Variants in NIPA2 observed in about 807,000 individuals in gnomAD.
NIPA2 encodes NIPA magnesium transporter 2.
NIPA2 carries 11 observed loss-of-function variants against 29.7 expected under a neutral mutation model. The observed-to-expected ratio is 0.37, with a 90% CI of 0.23 to 0.61. The LOEUF (loss-of-function observed/expected upper bound fraction) is 0.61. Among genes scored for constraint, NIPA2 ranks in the 20% least tolerant of loss-of-function variants. The pLI is 0.66. For synonymous variants in NIPA2, 183 were observed against 161.9 expected (o/e 1.13, Z -0.99); for missense variants, 426 against 437.9 (o/e 0.97, Z 0.24).
At chr15:22,861,670 C>T (rs564549092) in intron 7 of NIPA2, among the ~76,000 whole-genome samples, 1 of 152,204 alleles carries the variant, frequency 6.6e-6, no homozygotes, top group South Asian at 2.1e-4. Context: ...TCTCTTTCCC[C>T]ACAGTGTCTG....
chr15:22,839,944 C>T (rs1029610011), intron 2 of NIPA2, among the ~76,000 whole-genome samples, 154 bp downstream of exon 2: 5 of 152,118 alleles, frequency 3.3e-5, no homozygotes, highest in East Asian at 1.9e-4. Flanking sequence ...TTTAATTTTT[C>T]TGAGCCAAGG....
chr15:22,863,359 C>T lies in NIPA2; in HGVS notation c.448+2570C>T, dbSNP rs764350235. Among the ~76,000 whole-genome samples the T allele has an allele frequency of 9.9e-5, 15 of 152,218 alleles. No homozygotes were observed. In the South Asian group the frequency reaches 1.7e-3, roughly 17 times the overall value. On this transcript the variant is annotated intron_variant, in intron 7 of 7. Transcript: ENST00000337451. ...TCGGCCTCCCAAAGGGCTGGGATTA[C>T]AGGCATGAGCCACCACACCTGGCTC...
In NIPA2 at chr15:22,866,432, T is replaced by C. The variant is rs1248722417; in HGVS notation, c.668T>C (p.Leu223Pro). The C allele has an allele frequency of 1.2e-6, 2 of 1,614,092 alleles. No individual in the cohort carries two copies. The highest frequency in any genetic ancestry group is 1.7e-6 in the Non-Finnish European group (2 of 1,180,030). Reference protein sequence around the residue: ...LRHPLAWILLLSLIVCVSTQI... With the variant: ...LRHPLAWILLPSLIVCVSTQI... Reference sequence around the variant, plus strand: ...CATCCCCTGGCTTGGATTCTGCTGCTGAGCCTCATCGTCTGTGTGAGCACA... The same window carrying C: ...CATCCCCTGGCTTGGATTCTGCTGCCGAGCCTCATCGTCTGTGTGAGCACA... Residue 223 changes from leucine (L) to proline (P), a missense_variant, in exon 8 of 8, where the codon CTG becomes CCG. Physicochemically the swap from Leu to Pro is moderately conservative, Grantham distance 98 (BLOSUM62 -3). Transcript: ENST00000337451.
At chr15:22,849,280 TCTTTC>T (rs1240488745) in intron 3 of NIPA2, among the ~76,000 whole-genome samples, 1 of 95,158 alleles carries the variant, frequency 1.1e-5, no homozygotes, top group Non-Finnish European at 2.2e-5. Context: ...TTGTTCAGCT[TCTTTC>T]TTTTTATGTA....
chr15:22,861,265 CAA>C (rs772613763), intron 7 of NIPA2, among the ~76,000 whole-genome samples: 26 of 152,322 alleles, frequency 1.7e-4, no homozygotes, highest in Non-Finnish European at 3.5e-4. Context: ...TAATTTCAAA[CAA>C]AGAGGTATTC....
At position 22,838,706 on chromosome 15, in the gene NIPA2, T is replaced by A. The variant is rs1896200720; in HGVS notation, c.-567T>A. The A allele has an allele frequency of 6.6e-6, 1 of 152,486 alleles. No homozygotes were observed. Among genetic ancestry groups the A allele is most frequent in the Admixed American group, 6.5e-5 (1 of 15,290 alleles). 9.4% of individuals were successfully genotyped at this position (152,486 alleles called of 1,614,324 possible). A position where few individuals can be genotyped will look rare whatever the true frequency, so the allele number is the denominator to read the frequency against. ...GTCCCGGCAGCGGTGGTGACGGCGG[T>A]GCCGGAGGTTGTCCTTGGCAGGTTT... On this transcript the variant is annotated 5_prime_UTR_variant, in exon 1 of 8. Transcript: ENST00000337451.
At chr15:22,860,821 T>C in intron 7 of NIPA2, 32 bp downstream of exon 7, 1 of 1,513,326 alleles carries the variant, frequency 6.6e-7, no homozygotes, top group Non-Finnish European at 8.9e-7. Context: ...TCTTACTGTA[T>C]TTTACTTTTT....
chr15:22,856,117 C>A (rs2141334342), intron 5 of NIPA2, among the ~76,000 whole-genome samples: 1 of 152,258 alleles, frequency 6.6e-6, no homozygotes, highest in South Asian at 2.1e-4. Flanking sequence ...GAGAGCTCCC[C>A]AGGCTCTCAC....
intron 7 of NIPA2, among the ~76,000 whole-genome samples, chr15:22,865,598 A>G (rs1346923681): frequency 6.6e-6 from 1 of 152,128 alleles, no homozygotes; most frequent in Non-Finnish European, 1.5e-5. Flanking sequence ...TGCAGGTGGT[A>G]GTATCCGTGA....
chr15:22,846,226 T>C (rs1898595952), intron 3 of NIPA2, among the ~76,000 whole-genome samples: 1 of 152,118 alleles, frequency 6.6e-6, no homozygotes, highest in Non-Finnish European at 1.5e-5. Flanking sequence ...CTTTCAGAAT[T>C]CCTTGGGCTG....
chr15:22,838,920 G>A lies in NIPA2; in HGVS notation c.-353G>A, dbSNP rs1595663868. ...AGCCGCGCGGCCGGCCGGCCGACTA[G>A]GGTGAGGTCGCCACTCCTTCCTTTC... On this transcript the variant is annotated splice_region_variant and 5_prime_UTR_variant, in exon 1 of 8. Transcript: ENST00000337451. 1 of 152,396 alleles carries A rather than the reference G, an allele frequency of 6.6e-6. No individual in the cohort carries two copies. Among genetic ancestry groups the A allele is most frequent in the East Asian group, 1.9e-4 (1 of 5,166 alleles). 9.4% of individuals were successfully genotyped at this position (152,396 alleles called of 1,614,324 possible). A position where few individuals can be genotyped will look rare whatever the true frequency, so the allele number is the denominator to read the frequency against.
chr15:22,846,758 G>A (rs558180386), intron 3 of NIPA2, among the ~76,000 whole-genome samples: 12 of 151,266 alleles, frequency 7.9e-5, no homozygotes, highest in African/African-American at 2.9e-4. Context: ...CGAGGTTGCA[G>A]TGAACCATGA....
chr15:22,855,800 GA>G (rs1344844567), intron 5 of NIPA2, among the ~76,000 whole-genome samples: 1 of 152,138 alleles, frequency 6.6e-6, no homozygotes, highest in Non-Finnish European at 1.5e-5. Context: ...ATATTTGGGG[GA>G]GAAACCCTTG....
At chr15:22,850,575 T>C (rs1017251246) in intron 3 of NIPA2, among the ~76,000 whole-genome samples, 3 of 152,364 alleles carry the variant, frequency 2.0e-5, no homozygotes. Context: ...AGTAATGTTA[T>C]CACTCCTTAT....
chr15:22,842,477 C>T (rs1429210709), intron 2 of NIPA2, among the ~76,000 whole-genome samples: 1 of 151,074 alleles, frequency 6.6e-6, no homozygotes, highest in African/African-American at 2.4e-5. Context: ...ATCACAAGGT[C>T]AGGAGATCGA....
intron 7 of NIPA2, among the ~76,000 whole-genome samples, chr15:22,861,069 C>G (rs1426816642): frequency 1.3e-5 from 2 of 152,106 alleles, no homozygotes; most frequent in East Asian, 3.9e-4. Flanking sequence ...ATATAGTTTT[C>G]TTGAGATTGT....
chr15:22,860,601 T>A, intron 6 of NIPA2, 28 bp from the exon 7 acceptor site: 1 of 1,465,620 alleles, frequency 6.8e-7, no homozygotes, highest in Non-Finnish European at 9.2e-7. Flanking sequence ...TGATTAAAGT[T>A]CTCAATTTTT....
intron 6 of NIPA2, among the ~76,000 whole-genome samples, chr15:22,859,220 T>A (rs2141423296): frequency 6.6e-6 from 1 of 151,732 alleles, no homozygotes; most frequent in African/African-American, 2.4e-5. Context: ...GTTACACTCA[T>A]CCCAGTATTT....
intron 1 of NIPA2, chr15:22,839,261 CCTGA>C (rs1220290769): frequency 6.6e-6 from 1 of 152,122 alleles, no homozygotes; most frequent in Non-Finnish European, 1.5e-5. Context: ...ACGTTTTGAG[CCTGA>C]CTGTTTTAAT....
Sources: allele counts gnomAD v4.1 joint callset (sites outside exome capture counted in the v4.1 genomes callset), GRCh38; gene constraint gnomAD v4.1.1; transcripts MANE v1.5; gene names NCBI Gene and HGNC (gene_info 2026-07-23, HGNC 2026-07-21).